NLGN1: variants seen among roughly 807,000 people sequenced by gnomAD.
NLGN1 encodes neuroligin-1.
In NLGN1, 12 loss-of-function variants were observed where a neutral mutation model predicts 65.5. The ratio of observed to expected loss-of-function variants is 0.18; its 90% CI spans 0.12 to 0.30. The LOEUF is 0.30. Among genes scored for constraint, NLGN1 ranks in the 10% least tolerant of loss-of-function variants. NLGN1 has a pLI of 1.00. For synonymous variants in NLGN1, 350 were observed against 359.5 expected (o/e 0.97, Z 0.30); for missense variants, 750 against 1,007.1 (o/e 0.74, Z 3.46).
intron 4 of NLGN1, among the ~76,000 whole-genome samples, chr3:173,879,645 T>TTG: frequency 6.6e-6 from 1 of 152,076 alleles, no homozygotes; most frequent in East Asian, 1.9e-4. Context: ...TGTGTTTTTT[T>TTG]TTTTATCTAA....
At chr3:173,457,610 G>A (rs1197585932) in intron 2 of NLGN1, among the ~76,000 whole-genome samples, 1 of 152,106 alleles carries the variant, frequency 6.6e-6, no homozygotes, top group Non-Finnish European at 1.5e-5. Flanking sequence ...AACTTTAGAT[G>A]CTACCTGAAG....
intron 2 of NLGN1, among the ~76,000 whole-genome samples, chr3:173,521,981 A>G (rs1316019695): frequency 1.3e-5 from 2 of 152,252 alleles, no homozygotes; most frequent in Non-Finnish European, 2.9e-5. Flanking sequence ...GGTTATAACC[A>G]TAGTAGTGGG....
intron 2 of NLGN1, among the ~76,000 whole-genome samples, chr3:173,572,692 A>G (rs1279736859): frequency 6.6e-6 from 1 of 152,188 alleles, no homozygotes; most frequent in Non-Finnish European, 1.5e-5. Flanking sequence ...ATAAAGAGGG[A>G]AACCAAATAT....
intron 4 of NLGN1, among the ~76,000 whole-genome samples, chr3:174,184,106 G>A (rs1158815982): frequency 6.6e-6 from 1 of 151,902 alleles, no homozygotes; most frequent in South Asian, 2.1e-4. Context: ...ATTTTCTTTA[G>A]AACATTGCTC....
chr3:173,977,107 GCACACACACA>G, intron 4 of NLGN1, among the ~76,000 whole-genome samples: 1 of 120,392 alleles, frequency 8.3e-6, no homozygotes, highest in East Asian at 2.6e-4. Context: ...ACACACACAC[GCACACACACA>G]CACACGCACA....
rs758010757 is a variant in NLGN1 at position 173,517,794 on chromosome 3, C to CTATCTATCTATT, written c.-321+82724_-321+82725insTATTTATCTATC. Among the ~76,000 whole-genome samples the CTATCTATCTATT allele has an allele frequency of 7.2e-3, 1,084 of 151,592 alleles. 4 individuals carry two copies. The highest frequency in any genetic ancestry group is 0.014 in the Middle Eastern group (4 of 292). ...TCTATCTATCTATCTATCTATCTAT[C>CTATCTATCTATT]TATCTATCATATCTATCTGTCATCT... On this transcript the variant is annotated intron_variant, in intron 2 of 6. Coordinates refer to ENST00000457714, the Ensembl canonical transcript of NLGN1.
At chr3:173,637,901 T>A (rs531360474) in intron 3 of NLGN1, among the ~76,000 whole-genome samples, 306 of 152,300 alleles carry the variant, frequency 2.0e-3, no homozygotes, top group African/African-American at 7.1e-3. Context: ...CACACCCACA[T>A]AAAAATCACC....
chr3:174,293,115 G>A, the NLGN1 span, among the ~76,000 whole-genome samples: 12 of 151,524 alleles, frequency 7.9e-5, no homozygotes, highest in Non-Finnish European at 1.6e-4. Context: ...CAGGAAGAAC[G>A]ATTCAGTAAT....
chr3:173,937,304 G>A (rs1745235850), intron 4 of NLGN1, among the ~76,000 whole-genome samples: 2 of 151,988 alleles, frequency 1.3e-5, no homozygotes, highest in Non-Finnish European at 2.9e-5. Flanking sequence ...TCAGATTACT[G>A]AGCTTATGAA....
At chr3:174,274,337 T>C (rs1243538079) in intron 4 of NLGN1, among the ~76,000 whole-genome samples, 2 of 151,902 alleles carry the variant, frequency 1.3e-5, no homozygotes, top group East Asian at 3.9e-4. Context: ...GTCAGCTAAA[T>C]GAGTGAATAT....
At chr3:173,621,571 G>A (rs1243762282) in intron 3 of NLGN1, among the ~76,000 whole-genome samples, 1 of 152,098 alleles carries the variant, frequency 6.6e-6, no homozygotes, top group Non-Finnish European at 1.5e-5. Flanking sequence ...GCCGGGAATG[G>A]GAAGAGTAGA....
rs145178150 is a variant in NLGN1 at position 173,729,927 on chromosome 3, C to G, written c.494-77753C>G. On this transcript the variant is annotated intron_variant, in intron 3 of 6. Coordinates refer to ENST00000457714, the Ensembl canonical transcript of NLGN1. Reference sequence around the variant, plus strand: ...GCATATCTATTTGTTTCAGATATTTCACCTATGGGACTTAAAGTTTCTGAA... The same window carrying G: ...GCATATCTATTTGTTTCAGATATTTGACCTATGGGACTTAAAGTTTCTGAA... Among the ~76,000 whole-genome samples the G allele has an allele frequency of 8.7e-3, 1,329 of 151,992 alleles. 17 individuals carry two copies. The highest frequency in any genetic ancestry group is 0.029 in the African/African-American group (1,195 of 41,496).
At chr3:174,103,310 A>G (rs1712972916) in intron 4 of NLGN1, among the ~76,000 whole-genome samples, 1 of 152,190 alleles carries the variant, frequency 6.6e-6, no homozygotes, top group Admixed American at 6.5e-5. Flanking sequence ...TATTCTAAAG[A>G]GTAACAATTG....
rs186856869 is a variant in NLGN1 at position 174,021,346 on chromosome 3, T to C, written c.646+213514T>C. On this transcript the variant is annotated intron_variant, in intron 4 of 6. Transcript: ENST00000457714. ...AATAAAGTTCTCATAAAGCAAACTATATTCTATTTAAAGAACTTTATTTTC... is the reference window on the plus strand; with the variant it reads ...AATAAAGTTCTCATAAAGCAAACTACATTCTATTTAAAGAACTTTATTTTC... Among the ~76,000 whole-genome samples the C allele has an allele frequency of 3.8e-3, 576 of 152,222 alleles. 13 individuals are homozygous for C. Among genetic ancestry groups the C allele is most frequent in the Admixed American group, 0.035 (540 of 15,272 alleles).
At chr3:173,721,962 A>C (rs1363465472) in intron 3 of NLGN1, among the ~76,000 whole-genome samples, 2 of 150,284 alleles carry the variant, frequency 1.3e-5, no homozygotes, top group Non-Finnish European at 3.0e-5. Context: ...AAGGGACCCC[A>C]GTGGAACGGA....
chr3:173,976,327 C>A (rs1398661401), intron 4 of NLGN1, among the ~76,000 whole-genome samples: 2 of 152,008 alleles, frequency 1.3e-5, no homozygotes, highest in Admixed American at 6.6e-5. Flanking sequence ...CCATTCTATA[C>A]CCTGGGGAGT....
chr3:173,923,795 C>A (rs150901982), intron 4 of NLGN1, among the ~76,000 whole-genome samples: 4 of 152,136 alleles, frequency 2.6e-5, no homozygotes, highest in African/African-American at 7.2e-5. Flanking sequence ...TCATTTCTTT[C>A]TTTTCAACAA....
chr3:173,569,330 G>A (rs1012576468), intron 2 of NLGN1, among the ~76,000 whole-genome samples: 2 of 152,018 alleles, frequency 1.3e-5, no homozygotes, highest in Non-Finnish European at 2.9e-5. Context: ...TTAAGTGAGA[G>A]ATTTTTCCTT....
At chr3:173,889,361 G>C (rs543094784) in intron 4 of NLGN1, among the ~76,000 whole-genome samples, 1 of 151,998 alleles carries the variant, frequency 6.6e-6, no homozygotes, top group South Asian at 2.1e-4. Flanking sequence ...TTCTTTCTGC[G>C]TAACTGTAGC....
Sources: allele counts gnomAD v4.1 joint callset (sites outside exome capture counted in the v4.1 genomes callset), GRCh38; gene constraint gnomAD v4.1.1; transcripts MANE v1.5; gene names NCBI Gene and HGNC (gene_info 2026-07-23, HGNC 2026-07-21).